Variants in STK3 observed in about 807,000 individuals in gnomAD.
STK3 encodes serine/threonine-protein kinase 3.
In STK3, 41 loss-of-function variants were observed where a neutral mutation model predicts 58.0. The observed-to-expected ratio is 0.71, with a 90% confidence interval of 0.55 to 0.92. The LOEUF (loss-of-function observed/expected upper bound fraction) is 0.92. Among genes scored for constraint, STK3 ranks in the 40% least tolerant of loss-of-function variants. STK3 has a pLI of 0.00. For synonymous variants in STK3, 170 were observed against 191.0 expected (o/e 0.89, Z 0.91); for missense variants, 479 against 602.7 (o/e 0.79, Z 2.15).
chr8:98,639,031 T>C (rs1300225028), intron 6 of STK3, among the ~76,000 whole-genome samples: 9 of 151,940 alleles, frequency 5.9e-5, no homozygotes, highest in Non-Finnish European at 1.3e-4. Flanking sequence ...TTCTAACAAC[T>C]ACGCATAAAG....
intron 3 of STK3, among the ~76,000 whole-genome samples, chr8:98,874,981 T>A (rs1837517122): frequency 6.6e-6 from 1 of 152,198 alleles, no homozygotes; most frequent in Non-Finnish European, 1.5e-5. Flanking sequence ...ATAAACAGTA[T>A]GATCCAATTT....
intron 3 of STK3, among the ~76,000 whole-genome samples, chr8:98,854,621 T>C (rs991713622): frequency 6.6e-6 from 1 of 152,184 alleles, no homozygotes; most frequent in Non-Finnish European, 1.5e-5. Flanking sequence ...AAAACTCATT[T>C]ACAATAAATT....
rs763452259 is a variant in STK3, at chr8:98,428,827, G to A, written n.483+5300C>T. On this transcript the variant is annotated intron_variant and non_coding_transcript_variant, in intron 3 of 3. Coordinates refer to the STK3 transcript ENST00000517832. This position sits in a 1 kb window ranked among gnomAD's most constrained non-coding sequence, Gnocchi z 6.7. ...CTGGTGGTGAACCTGGTGGTGGAGA[G>A]CACACCTACTTTAGCCAACTTGGGC... 6.2e-7 allele frequency: 1 copy of A among 1,614,150 alleles called. No individual in the cohort carries two copies. The highest frequency in any genetic ancestry group is 8.5e-7 in the Non-Finnish European group (1 of 1,180,028).
chr8:98,480,234 A>G (rs927461090), intron 10 of STK3, among the ~76,000 whole-genome samples: 17 of 152,164 alleles, frequency 1.1e-4, no homozygotes, highest in African/African-American at 4.1e-4. Flanking sequence ...AAACAACATC[A>G]ATCACAAAAA....
At chr8:98,416,005 C>T (rs1178889656) in intron 3 of STK3, among the ~76,000 whole-genome samples, 1 of 152,192 alleles carries the variant, frequency 6.6e-6, no homozygotes, top group Non-Finnish European at 1.5e-5. Context: ...GCTCAGAGAT[C>T]CAGGCTGCTT....
At chr8:98,579,585 T>C in intron 8 of STK3, 79 bp downstream of exon 8, 1 of 1,485,482 alleles carries the variant, frequency 6.7e-7, no homozygotes, top group Non-Finnish European at 9.1e-7. Flanking sequence ...AAACAGTAAG[T>C]GCTTTTAATA....
intron 3 of STK3, among the ~76,000 whole-genome samples, chr8:98,845,301 C>T (rs1836161330): frequency 6.6e-6 from 1 of 152,150 alleles, no homozygotes; most frequent in South Asian, 2.1e-4. Context: ...TACATGTCAG[C>T]AGTTCTTTTC....
rs777773209 is a variant in STK3, at chr8:98,579,750, T to C, written c.862A>G (p.Arg288Gly). 1 of 1,603,574 alleles carries C rather than the reference T, an allele frequency of 6.2e-7. No homozygotes were observed. Among genetic ancestry groups the C allele is most frequent in the Non-Finnish European group, 8.5e-7 (1 of 1,176,986 alleles). ...TCCATAGCTTCTGTGATCAGGTCTC[T>C]TAATATTGATACAGGTTTGGCATTC... Reference protein sequence around the residue: ...IKNAKPVSILRDLITEAMEIK... With the variant: ...IKNAKPVSILGDLITEAMEIK... The change falls in exon 8 of 11, where the codon AGA becomes GGA. Residue 288 changes from arginine to glycine, a missense_variant. Arg to Gly is a moderately radical substitution (Grantham distance 125). This residue lies in a region of STK3 where 309 missense variants were observed against 355.7 expected (regional missense o/e 0.87). Transcript: ENST00000419617.
chr8:98,708,448 G>T (rs569131509), intron 4 of STK3, among the ~76,000 whole-genome samples: 1 of 152,130 alleles, frequency 6.6e-6, no homozygotes, highest in African/African-American at 2.4e-5. Context: ...CTGGACTTCT[G>T]ACCTAATATT....
At chr8:98,601,302 T>G (rs1268131905) in intron 6 of STK3, among the ~76,000 whole-genome samples, 1 of 152,212 alleles carries the variant, frequency 6.6e-6, no homozygotes, top group Non-Finnish European at 1.5e-5. Context: ...CTCTTACTCA[T>G]GCACTATTTA....
At chr8:98,638,306 T>G in intron 6 of STK3, among the ~76,000 whole-genome samples, 1 of 152,366 alleles carries the variant, frequency 6.6e-6, no homozygotes, top group East Asian at 1.9e-4. Flanking sequence ...ATTTTTAAAT[T>G]TGTTACTTAT....
At chr8:98,575,433 G>A (rs1813320635) in intron 8 of STK3, among the ~76,000 whole-genome samples, 1 of 149,704 alleles carries the variant, frequency 6.7e-6, no homozygotes, top group Non-Finnish European at 1.5e-5. Context: ...CATTCACAAT[G>A]TGCAACCATC....
intron 3 of STK3, among the ~76,000 whole-genome samples, chr8:98,850,123 G>A (rs1025829873): frequency 6.6e-6 from 1 of 151,784 alleles, no homozygotes; most frequent in African/African-American, 2.4e-5. Flanking sequence ...CCGCACTTTG[G>A]TTTCTGTGTA....
At chr8:98,921,761 G>T (rs890793356) in intron 1 of STK3, among the ~76,000 whole-genome samples, 2 of 151,750 alleles carry the variant, frequency 1.3e-5, no homozygotes, top group South Asian at 2.1e-4. Context: ...GCATGATTTC[G>T]GCTCACTGCA....
intron 1 of STK3, among the ~76,000 whole-genome samples, chr8:98,903,546 TCTTCTTCTTC>T (rs746614223): frequency 0.26 from 11,403 of 43,902 alleles, 1,130 homozygotes; most frequent in Admixed American, 0.37. Context: ...TTCTTCTTCT[TCTTCTTCTTC>T]CTTTTTTTTT....
chr8:98,738,366 G>C (rs1034255162), intron 4 of STK3, among the ~76,000 whole-genome samples: 1 of 152,088 alleles, frequency 6.6e-6, no homozygotes, highest in Non-Finnish European at 1.5e-5. Context: ...CCAGCTACTA[G>C]GGAGGATGAG....
chr8:98,774,085 C>T (rs907917064), intron 2 of STK3, among the ~76,000 whole-genome samples: 3 of 152,114 alleles, frequency 2.0e-5, no homozygotes, highest in Admixed American at 6.5e-5. Context: ...CGTGAGCCAC[C>T]GCGACCGGCC....
intron 6 of STK3, among the ~76,000 whole-genome samples, chr8:98,692,724 T>G (rs1449023439): frequency 6.6e-6 from 1 of 152,110 alleles, no homozygotes; most frequent in South Asian, 2.1e-4. Context: ...TGATAAATTT[T>G]ATGTTATATA....
the STK3 span, among the ~76,000 whole-genome samples, chr8:98,355,553 G>A: frequency 2.5e-3 from 382 of 152,350 alleles, 2 homozygotes; most frequent in African/African-American, 8.5e-3. Flanking sequence ...AAGTTTGGGT[G>A]TAGCACTCAG....
Sources: allele counts gnomAD v4.1 joint callset (sites outside exome capture counted in the v4.1 genomes callset), GRCh38; gene constraint gnomAD v4.1.1; regional missense constraint gnomAD v4.1.1; non-coding constraint Gnocchi (gnomAD v3.1); transcripts MANE v1.5; gene names NCBI Gene and HGNC (gene_info 2026-07-23, HGNC 2026-07-21).